The following LHFPL3 variants were observed in gnomAD, a reference collection of about 807,000 sequenced individuals.
The protein encoded by LHFPL3 is LHFPL tetraspan subfamily member 3.
In LHFPL3, 5 loss-of-function variants were observed where a neutral mutation model predicts 19.3. That is an observed-to-expected ratio of 0.26 (90% CI 0.14 to 0.54). The LOEUF (loss-of-function observed/expected upper bound fraction) is 0.54. Ranked by LOEUF, LHFPL3 falls within the 20% of genes least tolerant of loss-of-function variation. LHFPL3 has a pLI of 0.94. For missense variants in LHFPL3, 249 were observed against 307.4 expected (o/e 0.81, Z 1.42); for synonymous variants, 133 against 126.2 (o/e 1.05, Z -0.36).
At chr7:104,518,506 TA>T (rs398111663) in intron 1 of LHFPL3, among the ~76,000 whole-genome samples, 1 of 46,228 alleles carries the variant, frequency 2.2e-5, no homozygotes, top group Non-Finnish European at 3.8e-5. Context: ...GTTTAAATTC[TA>T]CTACTGGACA....
intron 1 of LHFPL3, among the ~76,000 whole-genome samples, chr7:104,402,868 T>G (rs1562887016): frequency 6.6e-6 from 1 of 152,210 alleles, no homozygotes. Context: ...TCCACACCAA[T>G]GGGGAGTATT....
chr7:104,329,562 C>T (rs1428492921), intron 1 of LHFPL3, among the ~76,000 whole-genome samples: 1 of 152,194 alleles, frequency 6.6e-6, no homozygotes, highest in African/African-American at 2.4e-5. Flanking sequence ...AGAGATGGGG[C>T]CGGGGTTCCG....
At chr7:104,823,359 A>ATCTC (rs1435060473) in intron 2 of LHFPL3, among the ~76,000 whole-genome samples, 1 of 152,140 alleles carries the variant, frequency 6.6e-6, no homozygotes, top group African/African-American at 2.4e-5. Flanking sequence ...CAGTTTTTTC[A>ATCTC]TCTCTAAAAT....
chr7:104,361,518 G>A (rs990264775), intron 1 of LHFPL3, among the ~76,000 whole-genome samples: 1 of 152,188 alleles, frequency 6.6e-6, no homozygotes, highest in South Asian at 2.1e-4. Context: ...GGAGAAGCAA[G>A]GAATAGGTAA....
chr7:104,348,529 A>G (rs1004650716), intron 1 of LHFPL3, among the ~76,000 whole-genome samples: 1 of 152,252 alleles, frequency 6.6e-6, no homozygotes, highest in Non-Finnish European at 1.5e-5. Flanking sequence ...AAAATTTGGC[A>G]CTGAAAAAAA....
At chr7:104,406,984 T>A (rs1045591427) in intron 1 of LHFPL3, among the ~76,000 whole-genome samples, 3 of 152,196 alleles carry the variant, frequency 2.0e-5, no homozygotes, top group African/African-American at 7.2e-5. Flanking sequence ...TCCCTGCTTG[T>A]CCACTTACCA....
At chr7:104,614,589 C>CTCTCTTCTCT (rs148097671) in intron 1 of LHFPL3, among the ~76,000 whole-genome samples, 3 of 63,926 alleles carry the variant, frequency 4.7e-5, no homozygotes, top group East Asian at 6.0e-4. Context: ...CTTCTCTTCT[C>CTCTCTTCTCT]TCTCTTCTCT....
intron 1 of LHFPL3, among the ~76,000 whole-genome samples, chr7:104,577,961 G>A (rs1790372465): frequency 6.6e-6 from 1 of 152,104 alleles, no homozygotes; most frequent in African/African-American, 2.4e-5. Flanking sequence ...CTCCACGGAA[G>A]AACAAAAAAG....
intron 1 of LHFPL3, among the ~76,000 whole-genome samples, chr7:104,655,254 A>T (rs1042406291): frequency 6.6e-6 from 1 of 152,026 alleles, no homozygotes; most frequent in Non-Finnish European, 1.5e-5. Flanking sequence ...GGTTCTACAT[A>T]TTGTCTCCTC....
chr7:104,507,352 T>C (rs1165673078), intron 1 of LHFPL3, among the ~76,000 whole-genome samples: 2 of 147,036 alleles, frequency 1.4e-5, no homozygotes, highest in Admixed American at 6.8e-5. Context: ...AAACAAGCAC[T>C]GGGGAAAGGA....
intron 2 of LHFPL3, chr7:104,797,059 G>A (rs1019575980): frequency 6.6e-6 from 1 of 152,470 alleles, no homozygotes; most frequent in Non-Finnish European, 1.5e-5. Flanking sequence ...CAGTTAGTTT[G>A]TATTATTTTG....
intron 2 of LHFPL3, among the ~76,000 whole-genome samples, chr7:104,819,782 T>G (rs898613449): frequency 2.0e-5 from 3 of 152,236 alleles, no homozygotes; most frequent in African/African-American, 7.2e-5. Flanking sequence ...CACACCACAT[T>G]TACAGATGCA....
intron 1 of LHFPL3, among the ~76,000 whole-genome samples, chr7:104,588,183 T>C (rs906144460): frequency 3.9e-5 from 6 of 152,214 alleles, no homozygotes; most frequent in Non-Finnish European, 8.8e-5. Context: ...AGACATGAAG[T>C]CCTTGCCCAT....
chr7:104,749,407 A>G (rs1253787565), intron 2 of LHFPL3, among the ~76,000 whole-genome samples: 2 of 152,236 alleles, frequency 1.3e-5, no homozygotes, highest in Admixed American at 1.3e-4. Flanking sequence ...AAATAGTTGG[A>G]CTATTAAGCA....
chr7:104,563,037 A>C (rs575426650), intron 1 of LHFPL3, among the ~76,000 whole-genome samples: 4 of 152,046 alleles, frequency 2.6e-5, no homozygotes, highest in South Asian at 2.1e-4. Context: ...CAGTCTGCCC[A>C]TTCTCAGATC....
intron 1 of LHFPL3, among the ~76,000 whole-genome samples, chr7:104,601,514 T>G (rs1242736505): frequency 6.6e-6 from 1 of 152,018 alleles, no homozygotes; most frequent in Non-Finnish European, 1.5e-5. Context: ...TTAAACAGAA[T>G]GATGAGACAG....
intron 1 of LHFPL3, among the ~76,000 whole-genome samples, chr7:104,612,719 G>T (rs940528791): frequency 6.6e-6 from 1 of 152,116 alleles, no homozygotes; most frequent in African/African-American, 2.4e-5. Flanking sequence ...TGTAATTGTG[G>T]GCCAATACAG....
At chr7:104,836,967 A>G (rs1222302251) in intron 2 of LHFPL3, among the ~76,000 whole-genome samples, 1 of 152,216 alleles carries the variant, frequency 6.6e-6, no homozygotes, top group Non-Finnish European at 1.5e-5. Flanking sequence ...AGATAATAGT[A>G]AGATGAGGAT....
In LHFPL3 at chr7:104,641,349, G is replaced by T. The variant is rs541727185; in HGVS notation, c.446-95326G>T. On this transcript the variant is annotated intron_variant, in intron 1 of 2. Coordinates refer to ENST00000424859, the MANE Select transcript of LHFPL3 (RefSeq NM_199000.3). ...TCACTTAAACGAGACCAGTCTGCTC[G>T]CTCCCTTGCTTAATGCACTGTGGAG... Among the ~76,000 whole-genome samples the T allele has an allele frequency of 2.6e-5, 4 of 152,144 alleles. No homozygotes were observed. In the East Asian group the frequency reaches 5.8e-4, roughly 22 times the overall value.
Sources: gnomAD v4.1 joint callset for allele counts (sites outside exome capture counted in the v4.1 genomes callset) on GRCh38, gnomAD v4.1.1 for gene constraint, MANE v1.5 for transcripts, NCBI Gene and HGNC (gene_info 2026-07-23, HGNC 2026-07-21) for gene names.